Variants in NRF1 observed in about 807,000 individuals in gnomAD.
NRF1 encodes nuclear respiratory factor 1, also known as alpha palindromic-binding protein.
In NRF1, 5 loss-of-function variants were observed where a neutral mutation model predicts 58.5. The observed-to-expected ratio is 0.09, with a 90% CI of 0.04 to 0.18. NRF1 has a LOEUF of 0.18. Ranked by LOEUF, NRF1 falls within the 10% of genes least tolerant of loss-of-function variation. The pLI, the probability that NRF1 is intolerant of heterozygous loss-of-function variation, is 1.00. For synonymous variants in NRF1, 224 were observed against 246.7 expected, an observed-to-expected ratio of 0.91 and a Z score of 0.86; for missense variants, 288 against 657.7, an observed-to-expected ratio of 0.44 and a Z score of 6.15.
intron 2 of NRF1, 91 bp from the exon 3 acceptor site, chr7:129,671,338 G>A: frequency 1.5e-6 from 1 of 684,562 alleles, no homozygotes; most frequent in Non-Finnish European, 2.6e-6. Context: ...TATTAGGAAA[G>A]CAGTGCTACC....
chr7:129,755,464 G>A lies in NRF1; in HGVS notation c.*283G>A. 1 of 283,724 alleles carries A rather than the reference G, an allele frequency of 3.5e-6. No homozygotes were observed. The highest frequency in any genetic ancestry group is 4.4e-5 in the South Asian group (1 of 22,980). The allele number at this position is 283,724 out of a possible 1,614,324, so 17.6% of individuals were successfully genotyped here. A position where few individuals can be genotyped will look rare whatever the true frequency, so the allele number is the denominator to read the frequency against. On this transcript the variant is annotated 3_prime_UTR_variant, in exon 11 of 11. Coordinates refer to ENST00000393232, the MANE Select transcript of NRF1 (RefSeq NM_005011.5). This position sits in a 1 kb window ranked among gnomAD's most constrained non-coding sequence, Gnocchi z 5.8. ...TGCGGAAATGTGTGTGTATACTTAT[G>A]TGTGTGTATGTGTGAGTGTGAATAT...
chr7:129,611,878 C>G (rs1396814079), intron 1 of NRF1, 54 bp downstream of exon 1: 1 of 150,116 alleles, frequency 6.7e-6, no homozygotes, highest in African/African-American at 2.4e-5. Flanking sequence ...GCAGCCGCAA[C>G]ACGCCGCCCG....
chr7:129,642,775 T>TTTTTTTTTTTTTTGAGACGGAGTCTCGC (rs1238199755), intron 1 of NRF1, among the ~76,000 whole-genome samples: 1 of 148,924 alleles, frequency 6.7e-6, no homozygotes, highest in South Asian at 2.2e-4. Flanking sequence ...TTTTTTTTTT[T>TTTTTTTTTTTTTTGAGACGGAGTCTCGC]TAAATGAGAT....
rs200632983 is a variant in NRF1, at chr7:129,688,948, T to A, written c.466-1458T>A. Among the ~76,000 whole-genome samples, 5 of 142,722 alleles carry A rather than the reference T, an allele frequency of 3.5e-5. No homozygotes were observed. In the South Asian group the frequency reaches 9.1e-4, roughly 26 times the overall value. 93.6% of individuals were successfully genotyped at this position (142,722 alleles called of 152,430 possible). On this transcript the variant is annotated intron_variant, in intron 4 of 10. Coordinates refer to ENST00000393232, the MANE Select transcript of NRF1 (RefSeq NM_005011.5). ...AGATTCATTTGTGTGTGTGTGTGTG[T>A]GAGTAGGCAGCATAAATACTATCTA...
At chr7:129,655,387 A>C (rs1056348233) in intron 1 of NRF1, among the ~76,000 whole-genome samples, 2 of 152,192 alleles carry the variant, frequency 1.3e-5, no homozygotes, top group African/African-American at 4.8e-5. Flanking sequence ...TCTATGAAGA[A>C]AGACAGTTCT....
At chr7:129,754,296 A>G (rs1490875966) in intron 10 of NRF1, among the ~76,000 whole-genome samples, 1 of 147,586 alleles carries the variant, frequency 6.8e-6, no homozygotes, top group Non-Finnish European at 1.5e-5. Flanking sequence ...CTCCATCTCA[A>G]AAAAAAAAAA....
chr7:129,736,812 C>A (rs1226683676), intron 10 of NRF1, among the ~76,000 whole-genome samples: 2 of 150,162 alleles, frequency 1.3e-5, no homozygotes, highest in Admixed American at 1.3e-4. Flanking sequence ...TTTGTAGATA[C>A]CTGGTATAGC....
chr7:129,647,791 G>C (rs1801443628), intron 1 of NRF1, among the ~76,000 whole-genome samples: 1 of 152,208 alleles, frequency 6.6e-6, no homozygotes, highest in South Asian at 2.1e-4. Context: ...TAACCTATTG[G>C]TATGAAAAAT....
At chr7:129,614,441 A>G (rs146338987) in intron 1 of NRF1, among the ~76,000 whole-genome samples, 3 of 24,714 alleles carry the variant, frequency 1.2e-4, no homozygotes, top group Non-Finnish European at 3.1e-4. Flanking sequence ...AAAAATATGT[A>G]TTTGTGTGTG....
At chr7:129,720,930 CAA>C (rs1372972081) in intron 9 of NRF1, among the ~76,000 whole-genome samples, 4 of 151,764 alleles carry the variant, frequency 2.6e-5, no homozygotes, top group African/African-American at 4.8e-5. Context: ...GGAAGGGAAT[CAA>C]AGTGAACAAA....
chr7:129,636,860 C>T (rs925533823), intron 1 of NRF1, among the ~76,000 whole-genome samples: 1 of 152,152 alleles, frequency 6.6e-6, no homozygotes, highest in Non-Finnish European at 1.5e-5. Context: ...TCATATTGAA[C>T]TTCAAGAACC....
rs140622251 is a variant in NRF1, at chr7:129,705,751, A to G, written c.607-3324A>G. 6.1e-3 allele frequency among the ~76,000 whole-genome samples: 931 copies of G among 152,162 alleles called. 10 individuals are homozygous for G. The highest frequency in any genetic ancestry group is 0.034 in the Middle Eastern group (10 of 294). On this transcript the variant is annotated intron_variant, in intron 5 of 10. Coordinates refer to ENST00000393232, the MANE Select transcript of NRF1 (RefSeq NM_005011.5). The stretch of plus-strand genomic sequence containing the variant: ...GGCAATGTAGGGAGACCCCTTCTCT[A>G]CAAAAAGAAAAAAAAGAAAAGAAGG...
intron 4 of NRF1, among the ~76,000 whole-genome samples, chr7:129,686,476 A>G (rs1231442596): frequency 6.6e-6 from 1 of 152,222 alleles, no homozygotes; most frequent in Non-Finnish European, 1.5e-5. Flanking sequence ...GAGCTACATA[A>G]AAATTTGTTT....
chr7:129,728,749 G>T (rs1803512005), intron 10 of NRF1, among the ~76,000 whole-genome samples: 1 of 152,220 alleles, frequency 6.6e-6, no homozygotes, highest in Admixed American at 6.5e-5. Context: ...AGCCATCGTG[G>T]CTTCTGAGAA....
chr7:129,712,929 AC>A (rs1584664427), intron 8 of NRF1, among the ~76,000 whole-genome samples: 1 of 152,224 alleles, frequency 6.6e-6, no homozygotes, highest in African/African-American at 2.4e-5. Context: ...AACGAGGGGT[AC>A]AGTTAGGAGA....
At chr7:129,668,470 C>G (rs1306070714) in intron 2 of NRF1, among the ~76,000 whole-genome samples, 1 of 152,108 alleles carries the variant, frequency 6.6e-6, no homozygotes, top group Non-Finnish European at 1.5e-5. Flanking sequence ...ATACTGGGAT[C>G]AGTTTATCAA....
chr7:129,703,704 G>T (rs1231273316), intron 5 of NRF1, among the ~76,000 whole-genome samples: 2 of 152,094 alleles, frequency 1.3e-5, no homozygotes, highest in Non-Finnish European at 1.5e-5. Flanking sequence ...ACTTCTTTTG[G>T]TATAGGGGCA....
intron 2 of NRF1, among the ~76,000 whole-genome samples, chr7:129,667,157 A>T (rs1801941633): frequency 6.6e-6 from 1 of 152,208 alleles, no homozygotes; most frequent in South Asian, 2.1e-4. Flanking sequence ...ACTTTACTAG[A>T]TATTGCTAAA....
intron 10 of NRF1, among the ~76,000 whole-genome samples, chr7:129,740,863 C>A (rs1056690387): frequency 6.6e-6 from 1 of 152,150 alleles, no homozygotes; most frequent in African/African-American, 2.4e-5. Context: ...TTAAAGACTG[C>A]AGATCAAAAG....
Sources: gnomAD v4.1 joint callset for allele counts (sites outside exome capture counted in the v4.1 genomes callset) on GRCh38, gnomAD v4.1.1 for gene constraint, Gnocchi (gnomAD v3.1) non-coding constraint, MANE v1.5 for transcripts, NCBI Gene and HGNC (gene_info 2026-07-23, HGNC 2026-07-21) for gene names.